Variants in RAB30 observed in about 807,000 individuals in gnomAD.
RAB30 encodes the protein ras-related protein Rab-30.
RAB30 carries 9 observed loss-of-function variants against 25.1 expected under a neutral mutation model. That is an observed-to-expected ratio of 0.36 (90% CI 0.22 to 0.63). The LOEUF is 0.63. Among genes scored for constraint, RAB30 ranks in the 20% least tolerant of loss-of-function variants. RAB30 has a pLI of 0.69. For synonymous variants in RAB30, 77 were observed against 86.4 expected, an observed-to-expected ratio of 0.89 and a Z score of 0.60; for missense variants, 140 against 243.5, an observed-to-expected ratio of 0.58 and a Z score of 2.83.
At chr11:83,044,129 T>C (rs1462744608) in intron 1 of RAB30, among the ~76,000 whole-genome samples, 1 of 152,218 alleles carries the variant, frequency 6.6e-6, no homozygotes, top group Non-Finnish European at 1.5e-5. Context: ...TTTGAATTAT[T>C]TTTTGTTGGA....
At chr11:83,013,091 TTTA>T (rs146427182) in intron 1 of RAB30, among the ~76,000 whole-genome samples, 2 of 152,250 alleles carry the variant, frequency 1.3e-5, no homozygotes, top group Non-Finnish European at 2.9e-5. Context: ...CATTTTTATT[TTTA>T]TTATTTTGAG....
intron 2 of RAB30, 98 bp downstream of exon 2, chr11:82,997,126 T>C: frequency 1.0e-6 from 1 of 980,356 alleles, no homozygotes; most frequent in Non-Finnish European, 1.6e-6. Context: ...ACCCTGGCAT[T>C]GAAACTGGTC....
At chr11:83,003,454 C>T (rs1857128003) in intron 1 of RAB30, among the ~76,000 whole-genome samples, 1 of 152,160 alleles carries the variant, frequency 6.6e-6, no homozygotes, top group South Asian at 2.1e-4. Context: ...CGGAATTTTG[C>T]TCCTGTTGCC....
intron 4 of RAB30, 171 bp downstream of exon 4, chr11:82,987,416 G>T: frequency 1.9e-6 from 1 of 525,212 alleles, no homozygotes; most frequent in Non-Finnish European, 3.1e-6. Flanking sequence ...CTGTCACCAT[G>T]GGATAGGACC....
At chr11:83,001,993 C>A (rs1160123197) in intron 1 of RAB30, among the ~76,000 whole-genome samples, 1 of 151,966 alleles carries the variant, frequency 6.6e-6, no homozygotes, top group Non-Finnish European at 1.5e-5. Flanking sequence ...TATTATTATC[C>A]CTAACTTGCA....
At chr11:83,004,780 G>T (rs1857152489) in intron 1 of RAB30, among the ~76,000 whole-genome samples, 1 of 151,986 alleles carries the variant, frequency 6.6e-6, no homozygotes, top group Non-Finnish European at 1.5e-5. Context: ...TAAGGACAAA[G>T]ACTGTACCTC....
At position 83,020,464 on chromosome 11, in the gene RAB30, C is replaced by A. The variant is rs1165000218; in HGVS notation, c.-8-23140G>T. Among the ~76,000 whole-genome samples, 5 of 152,340 alleles carry A rather than the reference C, an allele frequency of 3.3e-5. No individual in the cohort carries two copies. In the East Asian group the frequency reaches 9.7e-4, roughly 29 times the overall value. On this transcript the variant is annotated intron_variant, in intron 1 of 4. Coordinates refer to ENST00000527633, the MANE Select transcript of RAB30 (RefSeq NM_001286060.2). Reference sequence around the variant, plus strand: ...AAGGTGGGGGCTGAGGGCGGCTCTGCGCTGGCCTGCACTTGCCCATTGGCA... The same window carrying A: ...AAGGTGGGGGCTGAGGGCGGCTCTGAGCTGGCCTGCACTTGCCCATTGGCA...
In RAB30 at chr11:82,975,687, A is replaced by G. The variant is rs1437731757; in HGVS notation, c.*6478T>C. On this transcript the variant is annotated 3_prime_UTR_variant, in exon 5 of 5. Coordinates refer to ENST00000527633, the MANE Select transcript of RAB30 (RefSeq NM_001286060.2). ...ACACTTTGTTATCAATTATGTAACT[A>G]AAGAATCAAAGTATGTATATATAAC... is the stretch of plus-strand genomic sequence containing the variant. The G allele has an allele frequency of 4.6e-5, 7 of 152,182 alleles. No homozygotes were observed. The highest frequency in any genetic ancestry group is 8.8e-5 in the Non-Finnish European group (6 of 68,006). The allele number at this position is 152,182 out of a possible 1,614,324, so 9.4% of individuals were successfully genotyped here.
At chr11:82,993,643 G>C (rs1190686673) in intron 3 of RAB30, among the ~76,000 whole-genome samples, 1 of 152,220 alleles carries the variant, frequency 6.6e-6, no homozygotes, top group Non-Finnish European at 1.5e-5. Context: ...GAGGAGACAG[G>C]ATAATTTAAA....
intron 1 of RAB30, among the ~76,000 whole-genome samples, chr11:83,006,126 G>A (rs961419398): frequency 6.6e-6 from 1 of 152,096 alleles, no homozygotes; most frequent in African/African-American, 2.4e-5. Flanking sequence ...GTATACTACT[G>A]GTGGGAGGTA....
chr11:83,058,563 G>T (rs1858501363), intron 1 of RAB30, among the ~76,000 whole-genome samples: 1 of 152,204 alleles, frequency 6.6e-6, no homozygotes, highest in South Asian at 2.1e-4. Flanking sequence ...ATCAGGTTCT[G>T]TATCTTTGGC....
chr11:82,996,300 G>A (rs138635672), intron 2 of RAB30, among the ~76,000 whole-genome samples: 84 of 152,304 alleles, frequency 5.5e-4, no homozygotes, highest in African/African-American at 2.0e-3. Flanking sequence ...ATGTGCAACA[G>A]GCAGTCCCAG....
chr11:82,995,018 G>T (rs1367016898), intron 2 of RAB30, among the ~76,000 whole-genome samples: 1 of 152,148 alleles, frequency 6.6e-6, no homozygotes, highest in Admixed American at 6.5e-5. Flanking sequence ...TTTAACAAAG[G>T]TACAAGTATA....
intron 3 of RAB30, 87 bp downstream of exon 3, chr11:82,993,952 G>A: frequency 9.4e-7 from 1 of 1,060,120 alleles, no homozygotes; most frequent in Admixed American, 2.0e-5. Context: ...TTTCAATTAG[G>A]AGATTTAATA....
intron 4 of RAB30, among the ~76,000 whole-genome samples, chr11:82,983,116 A>T (rs1265149400): frequency 6.6e-6 from 1 of 152,144 alleles, no homozygotes; most frequent in African/African-American, 2.4e-5. Context: ...TCTATCCAAG[A>T]AAAAGGGAAG....
intron 1 of RAB30, among the ~76,000 whole-genome samples, chr11:83,069,377 C>A (rs982146553): frequency 6.6e-6 from 1 of 152,178 alleles, no homozygotes; most frequent in African/African-American, 2.4e-5. Flanking sequence ...TAGAGGAGCA[C>A]TGCTGTTACA....
At chr11:83,020,481 C>G (rs920503587) in intron 1 of RAB30, among the ~76,000 whole-genome samples, 3 of 152,224 alleles carry the variant, frequency 2.0e-5, no homozygotes, top group Non-Finnish European at 4.4e-5. Context: ...CTGCACTTGC[C>G]CATTGGCACG....
chr11:83,027,368 G>T (rs1857747156), intron 1 of RAB30, among the ~76,000 whole-genome samples: 1 of 152,114 alleles, frequency 6.6e-6, no homozygotes, highest in Non-Finnish European at 1.5e-5. Context: ...TCTACAGAAG[G>T]TAGAGTGCAA....
chr11:82,974,329 C>CT lies in RAB30; in HGVS notation c.*7835dup, dbSNP rs1437889039. On this transcript the variant is annotated 3_prime_UTR_variant, in exon 5 of 5. Transcript: ENST00000527633. ...AAGTTTGTATTCCCTCCCCACTTCC[C>CT]TTTTTTAATGTTGATTGAATTTTTC... 1 of 151,986 alleles carries CT rather than the reference C, an allele frequency of 6.6e-6. No homozygotes were observed. Among genetic ancestry groups the CT allele is most frequent in the African/African-American group, 2.4e-5 (1 of 41,354 alleles). 9.4% of individuals were successfully genotyped at this position (151,986 alleles called of 1,614,324 possible).
Sources: gnomAD v4.1 joint callset for allele counts (sites outside exome capture counted in the v4.1 genomes callset) on GRCh38, gnomAD v4.1.1 for gene constraint, MANE v1.5 for transcripts, NCBI Gene and HGNC (gene_info 2026-07-23, HGNC 2026-07-21) for gene names.